Variants in DACT2 observed in about 807,000 individuals in gnomAD.
The protein encoded by DACT2 is dishevelled binding antagonist of beta catenin 2, also known as dapper homolog 2.
In DACT2, 20 loss-of-function variants were observed where a neutral mutation model predicts 22.2. That is an observed-to-expected ratio of 0.90 (90% CI 0.63 to 1.31). DACT2 has a LOEUF of 1.31. DACT2 is among the 50% of genes most tolerant of loss of function. The pLI is 0.00. For synonymous variants in DACT2, 463 were observed against 479.8 expected, an observed-to-expected ratio of 0.96 and a Z score of 0.46; for missense variants, 1,048 against 1,061.4, an observed-to-expected ratio of 0.99 and a Z score of 0.18.
intron 1 of DACT2, among the ~76,000 whole-genome samples, chr6:168,312,198 C>G (rs1322533430): frequency 6.6e-6 from 1 of 152,060 alleles, no homozygotes; most frequent in Non-Finnish European, 1.5e-5. Flanking sequence ...CCTTCAGGAT[C>G]TTTTGTTTTG....
At chr6:168,304,483 T>A (rs1333981251), downstream of DACT2, among the ~76,000 whole-genome samples, 1 of 152,252 alleles carries the variant, frequency 6.6e-6, no homozygotes, top group African/African-American at 2.4e-5. Flanking sequence ...TTGTTAACTG[T>A]GTTTTAAAGC....
rs1455585861 is a variant in DACT2 at position 168,314,427 on chromosome 6, C to T, written c.247-3143G>A. Among the ~76,000 whole-genome samples, 4 of 152,220 alleles carry T rather than the reference C, an allele frequency of 2.6e-5. No individual in the cohort carries two copies. The East Asian group carries it at 7.7e-4, about 29-fold the overall frequency. On this transcript the variant is annotated intron_variant, in intron 1 of 3. Coordinates refer to ENST00000366795, the MANE Select transcript of DACT2 (RefSeq NM_214462.5). Reference sequence around the variant, plus strand: ...CAGACCCCAGGCTCCAGGCCCCACTCGTTTCTTGAGACTCTACCAGGTAAG... The same window carrying T: ...CAGACCCCAGGCTCCAGGCCCCACTTGTTTCTTGAGACTCTACCAGGTAAG...
chr6:168,303,096 A>G (rs180821073), downstream of DACT2, among the ~76,000 whole-genome samples: 8 of 152,288 alleles, frequency 5.3e-5, no homozygotes, highest in East Asian at 1.5e-3. Context: ...CTGATCTTTC[A>G]TTTATTCGCA....
chr6:168,298,362 G>A (rs373746756), intron 3 of DACT2: 2 of 152,160 alleles, frequency 1.3e-5, no homozygotes, highest in African/African-American at 4.8e-5. Context: ...TGGGTATGTG[G>A]TACTTGCATT....
In DACT2 at chr6:168,310,202, C is replaced by CGGCT. The variant is rs1562497511; in HGVS notation, c.620_623dup (p.Trp209AlafsTer14). Reference sequence around the variant, plus strand: ...CAGGCCTGGGCCAGAATGTGCCCCACGGCTGGCCTGCATCCTCCACGCTCC... The same window carrying CGGCT: ...CAGGCCTGGGCCAGAATGTGCCCCACGGCTGGCTGGCCTGCATCCTCCACGCTCC... On this transcript the variant is annotated frameshift_variant, in exon 3 of 4. Coordinates refer to ENST00000366795, the MANE Select transcript of DACT2 (RefSeq NM_214462.5). LOFTEE classifies it low-confidence loss of function (END_TRUNC). 6.4e-7 allele frequency: 1 copy of CGGCT among 1,550,652 alleles called. No homozygotes were observed.
chr6:168,311,049 C>T (rs1779385045), intron 2 of DACT2, 103 bp downstream of exon 2: 14 of 1,379,386 alleles, frequency 1.0e-5, no homozygotes, highest in Non-Finnish European at 1.3e-5. Flanking sequence ...ACTAGGATAC[C>T]TGGAATGGAA....
intron 3 of DACT2, among the ~76,000 whole-genome samples, chr6:168,301,047 C>T (rs1201341090): frequency 3.9e-5 from 6 of 152,202 alleles, no homozygotes; most frequent in Admixed American, 3.3e-4. Flanking sequence ...CAAAAACTCT[C>T]ATTTCTTGCT....
Position 168,307,636 on chromosome 6 carries a change from G to T in DACT2, c.2121C>A (p.Gly707=). Reference sequence around the variant, plus strand: ...CCAGGTCACAGTCCCTGCTCTGGGCGCCGCCCTCCTCGTCGCTGCTGCTGG... The same window carrying T: ...CCAGGTCACAGTCCCTGCTCTGGGCTCCGCCCTCCTCGTCGCTGCTGCTGG... The part of the protein sequence containing the change: ...RESSSSDEEG[G]AQSRDCDLAL... Residue 707 remains glycine (G), a synonymous_variant, in exon 4 of 4, where the codon GGC becomes GGA. Transcript: ENST00000366795. The surrounding 1 kb of genome is among the most constrained non-coding windows in gnomAD (Gnocchi z 5.3). 6.5e-7 allele frequency: 1 copy of T among 1,547,224 alleles called. No homozygotes were observed. Among genetic ancestry groups the T allele is most frequent in the Non-Finnish European group, 8.7e-7 (1 of 1,144,194 alleles).
chr6:168,302,928 G>C (rs1779136529), downstream of DACT2, among the ~76,000 whole-genome samples: 1 of 152,162 alleles, frequency 6.6e-6, no homozygotes, highest in Admixed American at 6.5e-5. Context: ...GCCTAGCAGG[G>C]CCAACTATGC....
At position 168,311,580 on chromosome 6, in the gene DACT2, CCATCCACACACACA is replaced by C. The variant is rs1368574722; in HGVS notation, c.247-310_247-297del. On this transcript the variant is annotated intron_variant, in intron 1 of 3. Transcript: ENST00000366795. ...CACACTCACACACAAACACACACAC[CCATCCACACACACA>C]CATACACACACACTCACACAAACAC... Among the ~76,000 whole-genome samples the C allele has an allele frequency of 2.3e-3, 136 of 59,990 alleles. 4 individuals carry two copies. The highest frequency in any genetic ancestry group is 9.0e-3 in the African/African-American group (119 of 13,182). The allele number at this position is 59,990 out of a possible 152,430, so 39.4% of individuals were successfully genotyped here. A position where few individuals can be genotyped will look rare whatever the true frequency, so the allele number is the denominator to read the frequency against.
Position 168,310,455 on chromosome 6 carries a change from A to G in DACT2, c.380-9T>C. The G allele has an allele frequency of 6.5e-7, 1 of 1,545,444 alleles. No homozygotes were observed. Among genetic ancestry groups the G allele is most frequent in the Non-Finnish European group, 8.7e-7 (1 of 1,145,170 alleles). On this transcript the variant is annotated splice_polypyrimidine_tract_variant and intron_variant, in intron 2 of 3. Transcript: ENST00000366795. ...GCTCATCTCGTAAAAGCCTGGACGG[A>G]GCAGACAAGGCAGGTCAGTGACCCC...
intron 4 of DACT2, chr6:168,294,272 C>G (rs59784883): frequency 1.4e-6 from 1 of 702,182 alleles, no homozygotes; most frequent in Non-Finnish European, 2.6e-6. Flanking sequence ...TCCCCGAATG[C>G]TTGCCGTTTC....
downstream of DACT2, among the ~76,000 whole-genome samples, chr6:168,305,431 C>A (rs1340895866): frequency 3.3e-5 from 5 of 152,204 alleles, no homozygotes; most frequent in African/African-American, 1.2e-4. Flanking sequence ...TCCCTGTGAT[C>A]TTGGCCTGCA....
At chr6:168,294,319 G>A (rs924644461) in intron 4 of DACT2, 1 of 689,792 alleles carries the variant, frequency 1.4e-6, no homozygotes, top group Non-Finnish European at 2.6e-6. Flanking sequence ...GGAAGGGGAA[G>A]AGGACGGCCA....
In DACT2 at chr6:168,319,326, G is replaced by C. The variant is rs553197169; in HGVS notation, c.246+62C>G. ...GTCCCACTAACACACAGTCGCTGCC[G>C]AAGGAGCAGCGCCTGTGGCCCGCAC... is the stretch of plus-strand genomic sequence containing the variant. On this transcript the variant is annotated intron_variant, in intron 1 of 3. Coordinates refer to ENST00000366795, the MANE Select transcript of DACT2 (RefSeq NM_214462.5). 4,019 of 1,172,724 alleles carry C rather than the reference G, an allele frequency of 3.4e-3. 10 individuals are homozygous for C. The highest frequency in any genetic ancestry group is 3.6e-3 in the Non-Finnish European group (3,444 of 948,858). 72.6% of individuals were successfully genotyped at this position (1,172,724 alleles called of 1,614,324 possible).
rs546335503 is a variant in DACT2 at position 168,295,244 on chromosome 6, A to G, written c.659-540T>C. Among the ~76,000 whole-genome samples, 4 of 152,350 alleles carry G rather than the reference A, an allele frequency of 2.6e-5. No individual in the cohort carries two copies. The South Asian group carries it at 8.3e-4, about 32-fold the overall frequency. On this transcript the variant is annotated intron_variant, in intron 3 of 5. Coordinates refer to the DACT2 transcript ENST00000366796. ...CCCACTTTTCCGCAGATATAATACC[A>G]GTATTTTCTCAAATAGAATCGATAG...
chr6:168,300,500 A>T (rs1028987774), intron 3 of DACT2: 7 of 152,222 alleles, frequency 4.6e-5, no homozygotes, highest in African/African-American at 1.7e-4. Context: ...GAGGAGAGTC[A>T]TTCTTAAGGA....
chr6:168,293,836 C>T (rs762648722), exon 6 of DACT2: 62 of 702,380 alleles, frequency 8.8e-5, no homozygotes, highest in African/African-American at 5.6e-4. Flanking sequence ...GGCCAGGACC[C>T]GACTTCCAGC....
Position 168,308,812 on chromosome 6 carries a change from G to C in DACT2, c.945C>G (p.Asn315Lys). Residue 315 changes from asparagine (N) to lysine (K), a missense_variant, in exon 4 of 4, where the codon AAC becomes AAG. By Grantham distance (94) the Asn-to-Lys change is moderately conservative. Transcript: ENST00000366795. ...CGAGGACCGGCCCAGTCTGGATGGTGTTCAGACCTGCGGGGCCCCTGGGGC... is the reference window on the plus strand; with the variant it reads ...CGAGGACCGGCCCAGTCTGGATGGTCTTCAGACCTGCGGGGCCCCTGGGGC... ...RESPRGPAGL[N>K]TIQTGPVLEA... is the part of the protein sequence containing the mutation. The C allele has an allele frequency of 6.4e-7, 1 of 1,551,430 alleles. No homozygotes were observed. The highest frequency in any genetic ancestry group is 1.7e-4 in the Middle Eastern group (1 of 5,992).
Sources: gnomAD v4.1 joint callset for allele counts (sites outside exome capture counted in the v4.1 genomes callset) on GRCh38, gnomAD v4.1.1 for gene constraint, Gnocchi (gnomAD v3.1) non-coding constraint, MANE v1.5 for transcripts, NCBI Gene and HGNC (gene_info 2026-07-23, HGNC 2026-07-21) for gene names.